The following LRRC37A2 variants were observed in gnomAD, a reference collection of about 807,000 sequenced individuals.
LRRC37A2 encodes the protein leucine rich repeat containing 37 member A2.
A neutral mutation model predicts 68.8 loss-of-function variants in LRRC37A2; 9 were observed. The ratio of observed to expected loss-of-function variants is 0.13; its 90% CI spans 0.08 to 0.23. LRRC37A2 has a LOEUF of 0.23. LRRC37A2 is among the 10% of genes least tolerant of loss of function. The pLI is 1.00. For synonymous variants in LRRC37A2, 63 were observed against 367.6 expected (o/e 0.17, Z 9.48); for missense variants, 168 against 950.4 (o/e 0.18, Z 10.82).
chr17:46,823,003 TATGTATTTATAATAA>T, the LRRC37A2 span, among the ~76,000 whole-genome samples: 23 of 41,584 alleles, frequency 5.5e-4, no homozygotes, highest in East Asian at 0.013. Context: ...TTTATATATA[TATGTATTTATAATAA>T]ATATGTATTT....
At chr17:46,769,114 T>C in the LRRC37A2 span, among the ~76,000 whole-genome samples, 10 of 152,040 alleles carry the variant, frequency 6.6e-5, no homozygotes, top group Non-Finnish European at 1.5e-4. Context: ...GTCAGGAGTT[T>C]GAGACCAGCC....
chr17:47,002,382 A>AT, the LRRC37A2 span, among the ~76,000 whole-genome samples: 1,514 of 69,276 alleles, frequency 0.022, 30 homozygotes, highest in African/African-American at 0.065. Context: ...AATTATTTTT[A>AT]TTTTTATTTT....
At chr17:46,864,057 G>T in the LRRC37A2 span, among the ~76,000 whole-genome samples, 2 of 152,198 alleles carry the variant, frequency 1.3e-5, no homozygotes, top group African/African-American at 2.4e-5. Context: ...AGGGGGTCAC[G>T]CACAAGGCAT....
the LRRC37A2 span, among the ~76,000 whole-genome samples, chr17:46,820,603 G>A: frequency 1.3e-5 from 2 of 152,130 alleles, no homozygotes; most frequent in African/African-American, 2.4e-5. Context: ...TCATGGCTGG[G>A]CTGATTCTGG....
chr17:46,998,360 C>T, the LRRC37A2 span, among the ~76,000 whole-genome samples: 1 of 152,142 alleles, frequency 6.6e-6, no homozygotes, highest in Non-Finnish European at 1.5e-5. Context: ...CTTGGTTTTC[C>T]CATTTATGAA....
chr17:46,886,635 G>A, the LRRC37A2 span: 1 of 152,190 alleles, frequency 6.6e-6, no homozygotes, highest in African/African-American at 2.4e-5. Context: ...TACAAATACT[G>A]CGTGATCATG....
At chr17:46,991,034 C>T in the LRRC37A2 span, among the ~76,000 whole-genome samples, 27 of 152,320 alleles carry the variant, frequency 1.8e-4, no homozygotes, top group African/African-American at 6.5e-4. Context: ...GAATTTATCC[C>T]ATTGCAATGG....
At chr17:47,001,675 C>G in the LRRC37A2 span, among the ~76,000 whole-genome samples, 28 of 151,888 alleles carry the variant, frequency 1.8e-4, no homozygotes, top group Non-Finnish European at 3.1e-4. Flanking sequence ...CCTCTCACCC[C>G]CAAGCAACTA....
At chr17:46,867,448 C>T in the LRRC37A2 span, among the ~76,000 whole-genome samples, 1 of 152,314 alleles carries the variant, frequency 6.6e-6, no homozygotes, top group African/African-American at 2.4e-5. Flanking sequence ...AGGGGACAAC[C>T]CTGAGGTCAC....
the LRRC37A2 span, among the ~76,000 whole-genome samples, chr17:47,001,688 G>C: frequency 7.0e-6 from 1 of 142,392 alleles, no homozygotes; most frequent in African/African-American, 2.6e-5. Flanking sequence ...AGCAACTACT[G>C]ATCTGCTTTC....
the LRRC37A2 span, among the ~76,000 whole-genome samples, chr17:46,718,495 A>C: frequency 6.6e-6 from 1 of 152,240 alleles, no homozygotes; most frequent in East Asian, 1.9e-4. Context: ...GTACTCCATA[A>C]ATATGTATAA....
At chr17:46,962,251 C>A in the LRRC37A2 span, among the ~76,000 whole-genome samples, 2 of 151,918 alleles carry the variant, frequency 1.3e-5, no homozygotes, top group African/African-American at 2.4e-5. Context: ...ATAATTTGAA[C>A]CCGGGAGGTG....
the LRRC37A2 span, among the ~76,000 whole-genome samples, chr17:46,735,189 C>T: frequency 1.3e-5 from 2 of 152,036 alleles, no homozygotes; most frequent in African/African-American, 4.8e-5. Context: ...GATATTAATA[C>T]CAGAATAAAT....
the LRRC37A2 span, chr17:46,922,841 G>C: frequency 2.7e-6 from 1 of 371,784 alleles, no homozygotes; most frequent in Non-Finnish European, 5.0e-6. Flanking sequence ...GAGAACAGCA[G>C]ATGATAGCGG....
chr17:46,843,635 C>T, the LRRC37A2 span, among the ~76,000 whole-genome samples: 3 of 152,182 alleles, frequency 2.0e-5, no homozygotes, highest in Admixed American at 6.5e-5. Context: ...GTTCTAATCC[C>T]GGTTCTAAGC....
the LRRC37A2 span, among the ~76,000 whole-genome samples, chr17:46,808,510 G>A: frequency 6.6e-6 from 1 of 152,146 alleles, no homozygotes; most frequent in Admixed American, 6.5e-5. Context: ...AAGGCTTTAG[G>A]TCCAACAGGG....
chr17:46,925,405 C>G, the LRRC37A2 span, among the ~76,000 whole-genome samples: 9 of 152,372 alleles, frequency 5.9e-5, no homozygotes, highest in South Asian at 6.2e-4. Flanking sequence ...GCTGGCAGCA[C>G]AGCCCTGCCC....
the LRRC37A2 span, among the ~76,000 whole-genome samples, chr17:47,047,671 T>C: frequency 6.6e-6 from 1 of 151,984 alleles, no homozygotes; most frequent in Admixed American, 6.6e-5. Context: ...CAGATGTAGA[T>C]ACGGTTTCGG....
chr17:46,966,631 G>A, the LRRC37A2 span: 1 of 662,134 alleles, frequency 1.5e-6, no homozygotes, highest in Non-Finnish European at 2.8e-6. Flanking sequence ...TTATAGGTAT[G>A]AGCCACCACC....
Sources: allele counts gnomAD v4.1 joint callset (sites outside exome capture counted in the v4.1 genomes callset), GRCh38; gene constraint gnomAD v4.1.1; transcripts MANE v1.5; gene names NCBI Gene and HGNC (gene_info 2026-07-23, HGNC 2026-07-21).